Variants in TACR3 observed in about 807,000 individuals in gnomAD.
TACR3 encodes tachykinin receptor 3, also known as neuromedin-K receptor.
In TACR3, 34 loss-of-function variants were observed where a neutral mutation model predicts 35.0. The observed-to-expected ratio is 0.97, with a 90% CI of 0.74 to 1.30. The LOEUF (loss-of-function observed/expected upper bound fraction) is 1.30, where lower values mean the gene tolerates loss of function less well. TACR3 is among the 50% of genes most tolerant of loss of function. The pLI, the probability that TACR3 is intolerant of heterozygous loss-of-function variation, is 0.00. For synonymous variants in TACR3, 233 were observed against 221.1 expected (o/e 1.05, Z -0.48); for missense variants, 558 against 591.7 (o/e 0.94, Z 0.59).
chr4:103,589,835 G>A lies in TACR3; in HGVS notation c.1245C>T (p.Pro415=). The A allele has an allele frequency of 6.2e-7, 1 of 1,613,906 alleles. No homozygotes were observed. Among genetic ancestry groups the A allele is most frequent in the Non-Finnish European group, 8.5e-7 (1 of 1,179,870 alleles). ...TGGACCTGGTGGTGTCTGCATCGTT[G>A]GGGTCAAACACGACTGTCATGGACT... The part of the protein sequence containing the change: ...RMESMTVVFD[P]NDADTTRSSR... Residue 415 remains proline (P), a synonymous_variant, in exon 5 of 5, where the codon CCC becomes CCT. Coordinates refer to ENST00000304883, the MANE Select transcript of TACR3 (RefSeq NM_001059.3).
intron 3 of TACR3, chr4:103,593,308 T>A (rs867809973): frequency 5.3e-5 from 8 of 152,150 alleles, no homozygotes; most frequent in African/African-American, 1.9e-4. Flanking sequence ...CTGTTGAATA[T>A]CTTGAGTCTA....
chr4:103,642,453 A>G (rs186926800), intron 3 of TACR3, among the ~76,000 whole-genome samples: 1,835 of 151,964 alleles, frequency 0.012, 20 homozygotes, highest in Middle Eastern at 0.034. Flanking sequence ...TGGTATATCC[A>G]CAAGAGAATA....
intron 3 of TACR3, among the ~76,000 whole-genome samples, chr4:103,615,699 TAATAAAA>T (rs1201349136): frequency 1.3e-4 from 20 of 152,252 alleles, no homozygotes; most frequent in Non-Finnish European, 2.1e-4. Flanking sequence ...AAATAAAACT[TAATAAAA>T]TATGTTTCAC....
chr4:103,640,278 C>A (rs1032432316), intron 3 of TACR3, among the ~76,000 whole-genome samples: 68 of 151,898 alleles, frequency 4.5e-4, no homozygotes, highest in Admixed American at 3.9e-3. Context: ...GTGTTACACA[C>A]AATATCATAA....
intron 1 of TACR3, among the ~76,000 whole-genome samples, chr4:103,675,752 C>T (rs1726157284): frequency 6.6e-6 from 1 of 152,028 alleles, no homozygotes; most frequent in Non-Finnish European, 1.5e-5. Context: ...CTCATCATTT[C>T]CTCCCATTTC....
chr4:103,625,556 C>T (rs193055945), intron 3 of TACR3, among the ~76,000 whole-genome samples: 8 of 150,048 alleles, frequency 5.3e-5, no homozygotes, highest in Non-Finnish European at 7.4e-5. Flanking sequence ...AAAGAATAAA[C>T]GAGTTAGAAT....
At chr4:103,617,371 AATC>A (rs1374652778) in intron 3 of TACR3, among the ~76,000 whole-genome samples, 4 of 152,212 alleles carry the variant, frequency 2.6e-5, no homozygotes, top group Non-Finnish European at 5.9e-5. Flanking sequence ...ATTTCATTTT[AATC>A]ATGATTATGT....
intron 1 of TACR3, among the ~76,000 whole-genome samples, chr4:103,701,134 G>T (rs1027952583): frequency 2.0e-5 from 3 of 152,072 alleles, no homozygotes; most frequent in East Asian, 1.9e-4. Context: ...TGACATGATT[G>T]TATATCTAGA....
intron 1 of TACR3, among the ~76,000 whole-genome samples, chr4:103,693,338 A>G (rs1016254801): frequency 4.6e-5 from 7 of 152,168 alleles, no homozygotes; most frequent in Non-Finnish European, 1.0e-4. Flanking sequence ...TTTATTTTTT[A>G]TGGGCAGACA....
intron 1 of TACR3, among the ~76,000 whole-genome samples, chr4:103,677,194 A>G (rs1029332469): frequency 2.6e-5 from 4 of 152,222 alleles, no homozygotes; most frequent in Non-Finnish European, 4.4e-5. Flanking sequence ...TCTATTATTA[A>G]AAAGTCAAAA....
intron 3 of TACR3, among the ~76,000 whole-genome samples, chr4:103,608,989 A>T (rs1724450946): frequency 6.6e-6 from 1 of 152,128 alleles, no homozygotes; most frequent in African/African-American, 2.4e-5. Context: ...TTAGCTAAAT[A>T]GATGAGGAAT....
intron 3 of TACR3, among the ~76,000 whole-genome samples, chr4:103,606,160 C>A (rs1227778817): frequency 6.6e-6 from 1 of 151,324 alleles, no homozygotes; most frequent in East Asian, 1.9e-4. Context: ...TTTCTGAGGG[C>A]TCTGTTCTGT....
intron 3 of TACR3, among the ~76,000 whole-genome samples, chr4:103,610,634 A>T (rs1410261336): frequency 6.6e-6 from 1 of 151,992 alleles, no homozygotes; most frequent in Admixed American, 6.6e-5. Flanking sequence ...TTAGTTTGTC[A>T]TCATCTTATT....
intron 3 of TACR3, among the ~76,000 whole-genome samples, chr4:103,609,778 C>T (rs995605086): frequency 1.3e-5 from 2 of 151,984 alleles, no homozygotes; most frequent in Non-Finnish European, 2.9e-5. Flanking sequence ...TCTCCTCAGC[C>T]TCTGGTAACC....
chr4:103,706,895 C>T lies in TACR3; in HGVS notation c.548+12233G>A, dbSNP rs553648175. 2.6e-5 allele frequency among the ~76,000 whole-genome samples: 4 copies of T among 152,214 alleles called. No individual in the cohort carries two copies. The East Asian group carries it at 7.7e-4, about 29-fold the overall frequency. ...ATTACAACTTTGAGTTATCTGCTTCCCAAGCTATATCCAAAGTTCAAATGA... is the reference window on the plus strand; with the variant it reads ...ATTACAACTTTGAGTTATCTGCTTCTCAAGCTATATCCAAAGTTCAAATGA... On this transcript the variant is annotated intron_variant, in intron 1 of 4. Coordinates refer to ENST00000304883, the MANE Select transcript of TACR3 (RefSeq NM_001059.3).
In TACR3 at chr4:103,588,493, C is replaced by T. The variant is rs1304899219; in HGVS notation, c.*1189G>A. 6.6e-6 allele frequency: 1 copy of T among 152,030 alleles called. No homozygotes were observed. Among genetic ancestry groups the T allele is most frequent in the African/African-American group, 2.4e-5 (1 of 41,428 alleles). 9.4% of individuals were successfully genotyped at this position (152,030 alleles called of 1,614,324 possible). ...TAGTAAATGTGATGCTTTCTTAGGA[C>T]TATTATCTCATTTCTTTCTGGTAAG... On this transcript the variant is annotated 3_prime_UTR_variant, in exon 5 of 5. Coordinates refer to ENST00000304883, the MANE Select transcript of TACR3 (RefSeq NM_001059.3).
chr4:103,629,343 C>T (rs537252166), intron 3 of TACR3, among the ~76,000 whole-genome samples: 3 of 151,938 alleles, frequency 2.0e-5, no homozygotes, highest in Non-Finnish European at 4.4e-5. Flanking sequence ...AAAGAGGAAG[C>T]CAAATTGTCC....
intron 3 of TACR3, among the ~76,000 whole-genome samples, chr4:103,598,198 G>T (rs1461103542): frequency 6.6e-6 from 1 of 152,162 alleles, no homozygotes; most frequent in African/African-American, 2.4e-5. Flanking sequence ...TTTCTCTGAT[G>T]GCCAGTGATG....
At chr4:103,669,369 A>G (rs1167212724) in intron 1 of TACR3, among the ~76,000 whole-genome samples, 1 of 152,128 alleles carries the variant, frequency 6.6e-6, no homozygotes, top group Admixed American at 6.6e-5. Context: ...TTTAAAATAT[A>G]TATCTAGCAC....
Sources: gnomAD v4.1 joint callset for allele counts (sites outside exome capture counted in the v4.1 genomes callset) on GRCh38, gnomAD v4.1.1 for gene constraint, MANE v1.5 for transcripts, NCBI Gene and HGNC (gene_info 2026-07-23, HGNC 2026-07-21) for gene names.